LRRTM4: variants seen among roughly 807,000 people sequenced by gnomAD.
LRRTM4 encodes leucine rich repeat transmembrane neuronal 4.
LRRTM4 carries 25 observed loss-of-function variants against 47.6 expected under a neutral mutation model. The observed-to-expected ratio is 0.53, with a 90% confidence interval of 0.38 to 0.73. LRRTM4 has a LOEUF of 0.73. Among genes scored for constraint, LRRTM4 ranks in the 30% least tolerant of loss-of-function variants. The probability of loss-of-function intolerance (pLI) is 0.00; values close to 1 mark genes in which losing one functional copy is unlikely to be tolerated. For missense variants in LRRTM4, 638 were observed against 713.4 expected, an observed-to-expected ratio of 0.89 and a Z score of 1.20; for synonymous variants, 311 against 269.5, an observed-to-expected ratio of 1.15 and a Z score of -1.51.
At chr2:77,326,000 C>A (rs1287710284) in intron 3 of LRRTM4, among the ~76,000 whole-genome samples, 1 of 152,174 alleles carries the variant, frequency 6.6e-6, no homozygotes, top group Non-Finnish European at 1.5e-5. Context: ...ATTTTCTGAC[C>A]TTTCCTCACT....
In LRRTM4 at chr2:77,095,576, G is replaced by C. The variant is rs187347423; in HGVS notation, c.1552-346660C>G. ...GCTGGAGTACAGTGGCATGATCTTG[G>C]CTCACTGCAACCTCCCCCTCCCCGG... is the stretch of plus-strand genomic sequence containing the variant. On this transcript the variant is annotated intron_variant, in intron 3 of 3. Coordinates refer to ENST00000409884, the MANE Select transcript of LRRTM4 (RefSeq NM_001134745.3). 4.4e-3 allele frequency among the ~76,000 whole-genome samples: 664 copies of C among 151,054 alleles called. 1 individual carries two copies. The highest frequency in any genetic ancestry group is 6.4e-3 in the Non-Finnish European group (431 of 67,860).
intron 3 of LRRTM4, among the ~76,000 whole-genome samples, chr2:76,808,012 CCTTCCTTCCTTCCTCTTTT>C (rs1385940514): frequency 3.0e-5 from 4 of 132,212 alleles, no homozygotes; most frequent in Non-Finnish European, 6.2e-5. Flanking sequence ...TTTTCTCTCT[CCTTCCTTCCTTCCTCTTTT>C]CTTTTCTTTC....
intron 3 of LRRTM4, among the ~76,000 whole-genome samples, chr2:77,400,510 G>T (rs2103834918): frequency 6.6e-6 from 1 of 151,946 alleles, no homozygotes; most frequent in African/African-American, 2.4e-5. Flanking sequence ...ACCAAGGGAG[G>T]ATGCTGACAA....
intron 3 of LRRTM4, among the ~76,000 whole-genome samples, chr2:77,100,387 G>A (rs949030068): frequency 1.3e-5 from 2 of 152,160 alleles, no homozygotes; most frequent in African/African-American, 2.4e-5. Flanking sequence ...CTGATGAAGT[G>A]TTCTTGCTTC....
chr2:77,015,890 G>T (rs1373752818), intron 3 of LRRTM4, among the ~76,000 whole-genome samples: 1 of 151,896 alleles, frequency 6.6e-6, no homozygotes, highest in Non-Finnish European at 1.5e-5. Context: ...TCTGAGATGG[G>T]TGGATTACTT....
chr2:77,141,770 A>G (rs1168811346), intron 3 of LRRTM4, among the ~76,000 whole-genome samples: 2 of 152,070 alleles, frequency 1.3e-5, no homozygotes, highest in African/African-American at 2.4e-5. Flanking sequence ...ATAAACTTTT[A>G]TTTTTTGACC....
chr2:77,034,538 G>A (rs1446694), intron 3 of LRRTM4, among the ~76,000 whole-genome samples: 33,872 of 151,638 alleles, frequency 0.22, 4,271 homozygotes, highest in East Asian at 0.41. Flanking sequence ...ACTATTTATG[G>A]GTGGAAGCTC....
rs115468588 is a variant in LRRTM4 at position 76,912,910 on chromosome 2, G to T, written c.1552-163994C>A. ...TGAGGTCTGTTTAGAAGCAGAAGCC[G>T]CTATGCTTCCTGTACAGCCTGCAGA... On this transcript the variant is annotated intron_variant, in intron 3 of 3. Coordinates refer to ENST00000409884, the MANE Select transcript of LRRTM4 (RefSeq NM_001134745.3). 3.1e-3 allele frequency among the ~76,000 whole-genome samples: 467 copies of T among 152,214 alleles called. 2 individuals are homozygous for T. Among genetic ancestry groups the T allele is most frequent in the African/African-American group, 0.011 (445 of 41,520 alleles).
At chr2:76,827,121 T>C (rs1227483272) in intron 3 of LRRTM4, among the ~76,000 whole-genome samples, 4 of 151,880 alleles carry the variant, frequency 2.6e-5, no homozygotes, top group Non-Finnish European at 5.9e-5. Context: ...ACTTGGCTTC[T>C]TCTCATAGTG....
In LRRTM4 at chr2:77,519,082, T is replaced by C; in HGVS notation, c.787A>G (p.Asn263Asp). The change falls in exon 3 of 4, where the codon AAT becomes GAT. Residue 263 changes from asparagine to aspartate, a missense_variant. Asn to Asp is a conservative substitution (Grantham distance 23). Transcript: ENST00000409884. The surrounding 1 kb of genome is among the most constrained non-coding windows in gnomAD (Gnocchi z 4.6). ...SSLHNLDLSG[N>D]DIQGIEPGTF... ...CCCGGCTCAATTCCTTGGATGTCAT[T>C]CCCTGATAAATCCAAGTTGTGTAAG... 1 of 1,612,878 alleles carries C rather than the reference T, an allele frequency of 6.2e-7. No homozygotes were observed. The highest frequency in any genetic ancestry group is 8.5e-7 in the Non-Finnish European group (1 of 1,179,440).
At chr2:76,920,908 G>C (rs891038541) in intron 3 of LRRTM4, among the ~76,000 whole-genome samples, 2 of 152,002 alleles carry the variant, frequency 1.3e-5, no homozygotes, top group Non-Finnish European at 2.9e-5. Context: ...ACAAAATTTA[G>C]AACAGTCTTA....
chr2:76,926,385 T>C (rs1477566338), intron 3 of LRRTM4, among the ~76,000 whole-genome samples: 1 of 152,168 alleles, frequency 6.6e-6, no homozygotes, highest in Non-Finnish European at 1.5e-5. Flanking sequence ...TTTTATTACA[T>C]AATAAATGGA....
chr2:76,777,078 G>A (rs1294216510), intron 3 of LRRTM4, among the ~76,000 whole-genome samples: 1,719 of 140,294 alleles, frequency 0.012, 27 homozygotes, highest in African/African-American at 0.037. Flanking sequence ...TAGATACGCG[G>A]CATTATTTCT....
At chr2:76,900,293 A>G (rs1362641273) in intron 3 of LRRTM4, among the ~76,000 whole-genome samples, 1 of 151,912 alleles carries the variant, frequency 6.6e-6, no homozygotes, top group Non-Finnish European at 1.5e-5. Flanking sequence ...TAGTAGACGT[A>G]TAGAGTGTGG....
At chr2:77,126,384 AAGG>A (rs1411993428) in intron 3 of LRRTM4, among the ~76,000 whole-genome samples, 1 of 152,192 alleles carries the variant, frequency 6.6e-6, no homozygotes, top group African/African-American at 2.4e-5. Context: ...GGTATAAAGC[AAGG>A]AGAAGTAGAG....
intron 3 of LRRTM4, among the ~76,000 whole-genome samples, chr2:76,863,615 ATATT>A (rs1310505758): frequency 6.6e-6 from 1 of 152,306 alleles, no homozygotes; most frequent in South Asian, 2.1e-4. Flanking sequence ...GAAGAGTTTC[ATATT>A]TATTTATCTT....
chr2:77,321,685 C>T (rs762739007), intron 3 of LRRTM4, among the ~76,000 whole-genome samples: 1 of 151,908 alleles, frequency 6.6e-6, no homozygotes, highest in Admixed American at 6.6e-5. Flanking sequence ...TATTTTTAAC[C>T]ATGCCAAATT....
chr2:77,469,848 A>G (rs2103990207), intron 3 of LRRTM4, among the ~76,000 whole-genome samples: 1 of 152,262 alleles, frequency 6.6e-6, no homozygotes, highest in Non-Finnish European at 1.5e-5. Context: ...TCTTGATGAC[A>G]TTTTTATACA....
intron 3 of LRRTM4, among the ~76,000 whole-genome samples, chr2:76,913,214 G>T (rs572641189): frequency 6.6e-6 from 1 of 152,026 alleles, no homozygotes; most frequent in Non-Finnish European, 1.5e-5. Flanking sequence ...TTATTGATTT[G>T]TAAGAGATAC....
Sources: allele counts gnomAD v4.1 joint callset (sites outside exome capture counted in the v4.1 genomes callset), GRCh38; gene constraint gnomAD v4.1.1; non-coding constraint Gnocchi (gnomAD v3.1); transcripts MANE v1.5; gene names NCBI Gene and HGNC (gene_info 2026-07-23, HGNC 2026-07-21).